DYRK1A: variants seen among roughly 807,000 people sequenced by gnomAD.
The protein encoded by DYRK1A is dual specificity tyrosine phosphorylation regulated kinase 1A.
In DYRK1A, 9 loss-of-function variants were observed where a neutral mutation model predicts 79.7. The ratio of observed to expected loss-of-function variants is 0.11; its 90% confidence interval spans 0.07 to 0.20. The LOEUF is 0.20. Among genes scored for constraint, DYRK1A ranks in the 10% least tolerant of loss-of-function variants. The probability of loss-of-function intolerance (pLI) is 1.00; values close to 1 mark genes in which losing one functional copy is unlikely to be tolerated. For synonymous variants in DYRK1A, 349 were observed against 329.7 expected (o/e 1.06, Z -0.63); for missense variants, 622 against 956.0 (o/e 0.65, Z 4.61).
At chr21:37,378,150 TGA>T (rs2049585495) in intron 1 of DYRK1A, among the ~76,000 whole-genome samples, 2 of 152,246 alleles carry the variant, frequency 1.3e-5, no homozygotes, top group African/African-American at 4.8e-5. Context: ...TAATTATGAC[TGA>T]GTTTGAACAC....
chr21:37,457,249 G>GC lies in DYRK1A; in HGVS notation c.11-15434dup, dbSNP rs143277009. Among the ~76,000 whole-genome samples, 1,174 of 151,456 alleles carry GC rather than the reference G, an allele frequency of 7.8e-3. 11 individuals carry two copies. Among genetic ancestry groups the GC allele is most frequent in the African/African-American group, 0.027 (1,119 of 41,028 alleles). On this transcript the variant is annotated intron_variant, in intron 2 of 11. Coordinates refer to ENST00000647188, the MANE Select transcript of DYRK1A (RefSeq NM_001347721.2). ...CCTGGCTAATTTTTGTATCCCCCCC[G>GC]CAAGACAGAGTCTCACTCTGTTGCC...
chr21:37,465,220 C>T (rs958564846), intron 2 of DYRK1A, among the ~76,000 whole-genome samples: 2 of 152,038 alleles, frequency 1.3e-5, no homozygotes, highest in African/African-American at 4.8e-5. Flanking sequence ...TAAAAAGGTA[C>T]CAGAAGTGAA....
intron 2 of DYRK1A, among the ~76,000 whole-genome samples, chr21:37,468,818 A>ATAG (rs2052122501): frequency 6.6e-6 from 1 of 152,220 alleles, no homozygotes; most frequent in Non-Finnish European, 1.5e-5. Context: ...TTCCAAAAGT[A>ATAG]TAGTACTAAT....
chr21:37,451,915 G>A (rs1479405512), intron 2 of DYRK1A, among the ~76,000 whole-genome samples: 1 of 152,158 alleles, frequency 6.6e-6, no homozygotes, highest in Non-Finnish European at 1.5e-5. Flanking sequence ...GAGAAAATAG[G>A]AGGGCGGGGA....
chr21:37,397,343 G>T (rs530653790), intron 1 of DYRK1A, among the ~76,000 whole-genome samples: 2 of 152,296 alleles, frequency 1.3e-5, no homozygotes, highest in African/African-American at 4.8e-5. Context: ...AATGGAAAAA[G>T]TAAATTATTT....
At position 37,493,230 on chromosome 21, in the gene DYRK1A, G is replaced by A. The variant is rs1436251265; in HGVS notation, c.1071+67G>A. The A allele has an allele frequency of 5.3e-6, 8 of 1,496,084 alleles. No homozygotes were observed. In the African/African-American group the frequency reaches 6.9e-5, roughly 13 times the overall value. 92.7% of individuals were successfully genotyped at this position (1,496,084 alleles called of 1,614,324 possible). ...CTTTTTGTCTTTCATCTGTGACAGT[G>A]TAATTTAAAAGTTGTTTTTAGGCAA... On this transcript the variant is annotated intron_variant, in intron 8 of 11. Coordinates refer to ENST00000647188, the MANE Select transcript of DYRK1A (RefSeq NM_001347721.2).
At chr21:37,417,529 CTTTTTTTTTTTTT>C (rs3216074) in intron 1 of DYRK1A, among the ~76,000 whole-genome samples, 5 of 44,048 alleles carry the variant, frequency 1.1e-4, no homozygotes, top group African/African-American at 4.1e-4. Flanking sequence ...TTTTCTTTTT[CTTTTTTTTTTTTT>C]TTTTTTTTTT....
chr21:37,392,427 T>G (rs1569288042), intron 1 of DYRK1A, among the ~76,000 whole-genome samples: 1 of 152,252 alleles, frequency 6.6e-6, no homozygotes, highest in Non-Finnish European at 1.5e-5. Flanking sequence ...TTGGTCTGTT[T>G]GTGCTGCTCT....
chr21:37,506,142 T>C lies in DYRK1A; in HGVS notation c.1563T>C (p.Asp521=), dbSNP rs754394014. 6.2e-7 allele frequency: 1 copy of C among 1,614,014 alleles called. No homozygotes were observed. Among genetic ancestry groups the C allele is most frequent in the South Asian group, 1.1e-5 (1 of 91,082 alleles). The change falls in exon 11 of 12, where the codon GAT becomes GAC. Residue 521 remains aspartate (D), a synonymous_variant. Transcript: ENST00000647188. ...GCAACAGTGGGAGAGCCCGGTCGGA[T>C]CCGACGCACCAGCATCGGCACAGTG... ...GTSNSGRARS[D]PTHQHRHSGG...
In DYRK1A at chr21:37,525,303, C is replaced by T. The variant is rs900625606; in HGVS notation, c.*12772C>T. 3 of 152,324 alleles carry T rather than the reference C, an allele frequency of 2.0e-5. No individual in the cohort carries two copies. Among genetic ancestry groups the T allele is most frequent in the East Asian group, 1.9e-4 (1 of 5,186 alleles). The allele number at this position is 152,324 out of a possible 1,614,324, so 9.4% of individuals were successfully genotyped here. ...CGCATGGTTGGGGAGGCCTCACAAT[C>T]GTTGTGGAAGGTAAAGGAGAAGCCA... is the stretch of plus-strand genomic sequence containing the variant. On this transcript the variant is annotated 3_prime_UTR_variant, in exon 12 of 12. Coordinates refer to ENST00000647188, the MANE Select transcript of DYRK1A (RefSeq NM_001347721.2).
chr21:37,463,160 A>G (rs1032076597), intron 2 of DYRK1A, among the ~76,000 whole-genome samples: 3 of 147,650 alleles, frequency 2.0e-5, no homozygotes, highest in African/African-American at 7.6e-5. Flanking sequence ...TGGGTTGACA[A>G]GCTTGTGTGT....
chr21:37,462,986 A>G (rs8127024), intron 2 of DYRK1A, among the ~76,000 whole-genome samples: 44,845 of 152,080 alleles, frequency 0.29, 6,741 homozygotes, highest in South Asian at 0.38. Context: ...TGATAATACA[A>G]ATTCCTAAGG....
At chr21:37,384,182 G>T (rs1217589355) in intron 1 of DYRK1A, among the ~76,000 whole-genome samples, 2 of 152,148 alleles carry the variant, frequency 1.3e-5, no homozygotes. Context: ...GGGTAACCAA[G>T]GGTGGTTGTC....
chr21:37,492,564 T>A (rs1277580320), intron 7 of DYRK1A, among the ~76,000 whole-genome samples: 1 of 149,450 alleles, frequency 6.7e-6, no homozygotes, highest in Admixed American at 6.6e-5. Flanking sequence ...AATTTTAAAT[T>A]ATATTATATT....
intron 2 of DYRK1A, among the ~76,000 whole-genome samples, chr21:37,458,043 C>T (rs1185236946): frequency 1.3e-5 from 2 of 152,300 alleles, no homozygotes; most frequent in South Asian, 2.1e-4. Context: ...TATTCCTGGC[C>T]GCCTCTGTGT....
chr21:37,405,415 C>A (rs995588594), intron 1 of DYRK1A, among the ~76,000 whole-genome samples: 15 of 152,180 alleles, frequency 9.9e-5, no homozygotes, highest in African/African-American at 3.1e-4. Flanking sequence ...GTCATCCCAC[C>A]TCTGTGAGAC....
rs1048698026 is a variant in DYRK1A, at chr21:37,518,099, C to T, written c.*5568C>T. The T allele has an allele frequency of 4.6e-5, 7 of 152,224 alleles. No homozygotes were observed. The highest frequency in any genetic ancestry group is 1.4e-4 in the African/African-American group (6 of 41,416). 9.4% of individuals were successfully genotyped at this position (152,224 alleles called of 1,614,324 possible). A position where few individuals can be genotyped will look rare whatever the true frequency, so the allele number is the denominator to read the frequency against. On this transcript the variant is annotated 3_prime_UTR_variant, in exon 12 of 12. Transcript: ENST00000647188. ...TTTGCTGAGTTGCTCAGGCGCTCCT[C>T]AAACTGCTGGCCTCAAGTGATCCTC... is the stretch of plus-strand genomic sequence containing the variant.
chr21:37,380,963 C>T (rs192514492), intron 1 of DYRK1A, among the ~76,000 whole-genome samples: 2 of 152,288 alleles, frequency 1.3e-5, no homozygotes, highest in East Asian at 1.9e-4. Context: ...TCTATGCGCT[C>T]TTCGTTTTAA....
intron 10 of DYRK1A, among the ~76,000 whole-genome samples, chr21:37,505,807 T>C (rs1174746374): frequency 1.3e-5 from 2 of 152,242 alleles, no homozygotes; most frequent in African/African-American, 2.4e-5. Context: ...GAAATCTGTT[T>C]ACTAACCAGC....
Sources: gnomAD v4.1 joint callset for allele counts (sites outside exome capture counted in the v4.1 genomes callset) on GRCh38, gnomAD v4.1.1 for gene constraint, MANE v1.5 for transcripts, NCBI Gene and HGNC (gene_info 2026-07-23, HGNC 2026-07-21) for gene names.